The following ASIC2 variants were observed in gnomAD, a reference collection of about 807,000 sequenced individuals.
The protein encoded by ASIC2 is acid sensing ion channel subunit 2.
ASIC2 carries 25 observed loss-of-function variants against 57.3 expected under a neutral mutation model. The ratio of observed to expected loss-of-function variants is 0.44; its 90% CI spans 0.32 to 0.61. ASIC2 has a LOEUF of 0.61. Among genes scored for constraint, ASIC2 ranks in the 20% least tolerant of loss-of-function variants. ASIC2 has a pLI of 0.06. For missense variants in ASIC2, 641 were observed against 738.1 expected, an observed-to-expected ratio of 0.87 and a Z score of 1.52; for synonymous variants, 319 against 307.5, an observed-to-expected ratio of 1.04 and a Z score of -0.39.
intron 3 of ASIC2, among the ~76,000 whole-genome samples, chr17:33,071,128 T>G (rs1023558369): frequency 6.6e-6 from 1 of 152,158 alleles, no homozygotes; most frequent in African/African-American, 2.4e-5. Flanking sequence ...AACTTTTTTA[T>G]GTGGATTTAT....
At chr17:33,706,208 T>C (rs1205520082) in intron 1 of ASIC2, among the ~76,000 whole-genome samples, 1 of 62,710 alleles carries the variant, frequency 1.6e-5, no homozygotes, top group Non-Finnish European at 2.9e-5. Flanking sequence ...ATGATTCATA[T>C]ATATATATAT....
chr17:33,467,770 C>G (rs1265273534), intron 1 of ASIC2, among the ~76,000 whole-genome samples: 1 of 152,192 alleles, frequency 6.6e-6, no homozygotes, highest in Non-Finnish European at 1.5e-5. Flanking sequence ...GATCCCCCAC[C>G]TTCCAACTGT....
At chr17:33,441,281 T>A (rs534596477) in intron 1 of ASIC2, among the ~76,000 whole-genome samples, 1 of 152,338 alleles carries the variant, frequency 6.6e-6, no homozygotes, top group East Asian at 1.9e-4. Context: ...ATTTTCTTAA[T>A]GATGCCTCTT....
chr17:33,972,094 G>A (rs776908723), intron 1 of ASIC2, among the ~76,000 whole-genome samples: 20 of 152,184 alleles, frequency 1.3e-4, no homozygotes, highest in Non-Finnish European at 2.5e-4. Context: ...TTCAAAGGTT[G>A]AATAATGTTG....
At chr17:33,657,711 T>G (rs1009217246) in intron 1 of ASIC2, among the ~76,000 whole-genome samples, 12 of 148,258 alleles carry the variant, frequency 8.1e-5, no homozygotes, top group Non-Finnish European at 1.3e-4. Flanking sequence ...AGCAATATGA[T>G]TATCAGAGCT....
chr17:33,032,760 T>C (rs1475330837), intron 3 of ASIC2, among the ~76,000 whole-genome samples: 1 of 152,228 alleles, frequency 6.6e-6, no homozygotes, highest in East Asian at 1.9e-4. Flanking sequence ...ACTGTTAATA[T>C]TATTTTTGCC....
At chr17:33,064,278 C>G (rs1376144233) in intron 3 of ASIC2, among the ~76,000 whole-genome samples, 3 of 152,114 alleles carry the variant, frequency 2.0e-5, no homozygotes, top group African/African-American at 7.2e-5. Context: ...GTTTTTTCCC[C>G]ATCTTTGTGG....
At chr17:33,674,866 C>A (rs1032077221) in intron 1 of ASIC2, among the ~76,000 whole-genome samples, 1 of 152,098 alleles carries the variant, frequency 6.6e-6, no homozygotes, top group African/African-American at 2.4e-5. Flanking sequence ...TGGTCTGAGC[C>A]CAGAAATTGA....
chr17:33,102,823 G>T (rs563236574), intron 2 of ASIC2, among the ~76,000 whole-genome samples: 9 of 151,550 alleles, frequency 5.9e-5, no homozygotes, highest in Non-Finnish European at 1.2e-4. Context: ...TCGCTCTGTC[G>T]CCCAGGCTGG....
At chr17:33,402,994 C>T (rs60556587) in intron 1 of ASIC2, among the ~76,000 whole-genome samples, 2,799 of 152,262 alleles carry the variant, frequency 0.018, 43 homozygotes, top group African/African-American at 0.047. Flanking sequence ...GAAATAGGAA[C>T]GCTTTTATAC....
chr17:34,140,595 GA>G (rs926100042), intron 1 of ASIC2, among the ~76,000 whole-genome samples: 3 of 151,832 alleles, frequency 2.0e-5, no homozygotes, highest in African/African-American at 4.8e-5. Context: ...GCACAAGAAA[GA>G]AAAAAAACTT....
At chr17:33,142,479 T>C (rs1286342208) in intron 1 of ASIC2, among the ~76,000 whole-genome samples, 1 of 152,200 alleles carries the variant, frequency 6.6e-6, no homozygotes, top group Non-Finnish European at 1.5e-5. Flanking sequence ...AGGATTAGAC[T>C]CTTGCTCTGA....
In ASIC2 at chr17:33,818,646, G is replaced by A. The variant is rs148926334; in HGVS notation, c.555+337332C>T. Among the ~76,000 whole-genome samples the A allele has an allele frequency of 2.3e-4, 35 of 152,304 alleles. No individual in the cohort carries two copies. The East Asian group carries it at 4.6e-3, about 20-fold the overall frequency. On this transcript the variant is annotated intron_variant, in intron 1 of 9. Coordinates refer to the ASIC2 transcript ENST00000359872. Reference sequence around the variant, plus strand: ...CTAATGGGTAGGGATGCTGCTGAGCGTCTCCTCAAGGCACAGGACTGCCCC... The same window carrying A: ...CTAATGGGTAGGGATGCTGCTGAGCATCTCCTCAAGGCACAGGACTGCCCC...
chr17:33,986,539 A>C (rs1905824608), intron 1 of ASIC2, among the ~76,000 whole-genome samples: 1 of 152,124 alleles, frequency 6.6e-6, no homozygotes, highest in Non-Finnish European at 1.5e-5. Context: ...GACAATCCCA[A>C]AGTGATGAAT....
chr17:33,820,506 A>G (rs1000685782), intron 1 of ASIC2, among the ~76,000 whole-genome samples: 3 of 152,242 alleles, frequency 2.0e-5, no homozygotes, highest in African/African-American at 7.2e-5. Flanking sequence ...AAGAAATATC[A>G]TGATGGGCAT....
chr17:33,956,853 G>A (rs1487523046), intron 1 of ASIC2, among the ~76,000 whole-genome samples: 1 of 152,202 alleles, frequency 6.6e-6, no homozygotes, highest in Non-Finnish European at 1.5e-5. Context: ...TTTTGGTTCT[G>A]ATGGCATATG....
chr17:33,250,323 G>A (rs1016957992), intron 1 of ASIC2, among the ~76,000 whole-genome samples: 3 of 152,204 alleles, frequency 2.0e-5, no homozygotes, highest in African/African-American at 4.8e-5. Flanking sequence ...TGGCCAGCCC[G>A]TGGCCCTGGA....
At chr17:33,259,352 T>A (rs913880313) in intron 1 of ASIC2, among the ~76,000 whole-genome samples, 3 of 152,202 alleles carry the variant, frequency 2.0e-5, no homozygotes, top group Admixed American at 6.5e-5. Context: ...ACCAGGGTCA[T>A]AAAACCCTGT....
At chr17:33,867,217 A>G (rs1391571525) in intron 1 of ASIC2, among the ~76,000 whole-genome samples, 1 of 152,098 alleles carries the variant, frequency 6.6e-6, no homozygotes, top group Non-Finnish European at 1.5e-5. Context: ...TATCTGCTAT[A>G]TCTAAAAAAT....
Sources: allele counts gnomAD v4.1 joint callset (sites outside exome capture counted in the v4.1 genomes callset), GRCh38; gene constraint gnomAD v4.1.1; transcripts MANE v1.5; gene names NCBI Gene and HGNC (gene_info 2026-07-23, HGNC 2026-07-21).